Variants in ARL15 observed in about 807,000 individuals in gnomAD.
ARL15 encodes the protein ADP-ribosylation factor-like protein 15.
Under a neutral mutation model 25.2 loss-of-function variants are expected in ARL15, and 19 were observed. That is an observed-to-expected ratio of 0.75 (90% CI 0.53 to 1.10). ARL15 has a LOEUF of 1.10. Among genes scored for constraint, ARL15 ranks in the 50% least tolerant of loss-of-function variants. The pLI is 0.00. For synonymous variants in ARL15, 94 were observed against 86.8 expected, an observed-to-expected ratio of 1.08 and a Z score of -0.46; for missense variants, 220 against 246.0, an observed-to-expected ratio of 0.89 and a Z score of 0.71.
intron 1 of ARL15, among the ~76,000 whole-genome samples, chr5:54,271,585 G>A (rs1757784954): frequency 6.6e-6 from 1 of 152,116 alleles, no homozygotes; most frequent in Non-Finnish European, 1.5e-5. Flanking sequence ...TTGAATTCAT[G>A]GATATGGAAT....
intron 1 of ARL15, among the ~76,000 whole-genome samples, chr5:54,179,656 C>G (rs1754990282): frequency 6.6e-6 from 1 of 152,062 alleles, no homozygotes; most frequent in Admixed American, 6.5e-5. Context: ...GCTGGCTTCT[C>G]TCTTTCACAC....
intron 1 of ARL15, among the ~76,000 whole-genome samples, chr5:54,283,710 G>A (rs1025624671): frequency 2.6e-5 from 4 of 152,160 alleles, no homozygotes; most frequent in African/African-American, 9.7e-5. Flanking sequence ...GTGAATGACT[G>A]AACAACTCTC....
Position 53,947,167 on chromosome 5 carries a change from GGTGTGTGTGTGTGTGTGTGTGTGT to G in ARL15, c.463-60478_463-60455del, listed in dbSNP as rs3222349. On this transcript the variant is annotated intron_variant, in intron 4 of 4. Transcript: ENST00000504924. ...CTAGCCAAAGAGAAAAATAAATAAG[GGTGTGTGTGTGTGTGTGTGTGTGT>G]GTGTGTGTGTGTGTGTGTGTGTGTG... Among the ~76,000 whole-genome samples, 20 of 123,700 alleles carry G rather than the reference GGTGTGTGTGTGTGTGTGTGTGTGT, an allele frequency of 1.6e-4. No individual in the cohort carries two copies. In the East Asian group the frequency reaches 2.1e-3, roughly 13 times the overall value. 81.2% of individuals were successfully genotyped at this position (123,700 alleles called of 152,430 possible).
intron 4 of ARL15, among the ~76,000 whole-genome samples, chr5:54,041,133 A>G (rs1658700038): frequency 6.6e-6 from 1 of 152,230 alleles, no homozygotes; most frequent in Non-Finnish European, 1.5e-5. Context: ...CAATTAACTT[A>G]GCCTCTCAGG....
chr5:54,257,448 T>C (rs1361329281), intron 1 of ARL15, among the ~76,000 whole-genome samples: 1 of 152,188 alleles, frequency 6.6e-6, no homozygotes, highest in Non-Finnish European at 1.5e-5. Flanking sequence ...CATTTGACTT[T>C]TGACCTGAGC....
At chr5:54,020,193 C>T (rs528704722) in intron 4 of ARL15, among the ~76,000 whole-genome samples, 10 of 152,294 alleles carry the variant, frequency 6.6e-5, no homozygotes, top group African/African-American at 9.6e-5. Flanking sequence ...AGACTGTGTA[C>T]GTTCCAGGAA....
chr5:54,148,009 C>T (rs1468166413), intron 3 of ARL15, among the ~76,000 whole-genome samples: 1 of 152,060 alleles, frequency 6.6e-6, no homozygotes, highest in African/African-American at 2.4e-5. Context: ...GCATAATATA[C>T]ATGGAACTGT....
chr5:54,060,517 C>T (rs1266997472), intron 4 of ARL15, among the ~76,000 whole-genome samples: 1 of 152,208 alleles, frequency 6.6e-6, no homozygotes, highest in East Asian at 1.9e-4. Flanking sequence ...TTGCCTGCTG[C>T]CATCCACGTA....
chr5:54,151,328 TG>T (rs1362041512), intron 3 of ARL15, among the ~76,000 whole-genome samples: 1 of 152,202 alleles, frequency 6.6e-6, no homozygotes, highest in East Asian at 1.9e-4. Flanking sequence ...TAATTTACCT[TG>T]TACTTCTGCA....
intron 3 of ARL15, among the ~76,000 whole-genome samples, chr5:54,145,348 C>T (rs931394046): frequency 2.0e-4 from 31 of 152,048 alleles, no homozygotes; most frequent in Non-Finnish European, 3.8e-4. Flanking sequence ...TACTTTGGAC[C>T]GCAAGAAATT....
intron 3 of ARL15, among the ~76,000 whole-genome samples, chr5:54,150,632 T>C (rs1754037462): frequency 6.6e-6 from 1 of 152,000 alleles, no homozygotes; most frequent in South Asian, 2.1e-4. Context: ...ACCTTGTCTC[T>C]ACTAAACATA....
At chr5:54,182,558 A>G (rs1203143862) in intron 1 of ARL15, among the ~76,000 whole-genome samples, 2 of 148,042 alleles carry the variant, frequency 1.4e-5, no homozygotes, top group Non-Finnish European at 3.0e-5. Context: ...GTAGCCTTGT[A>G]GTATAGTTTG....
intron 4 of ARL15, among the ~76,000 whole-genome samples, chr5:53,973,995 CAA>C (rs1747844166): frequency 6.6e-6 from 1 of 151,824 alleles, no homozygotes; most frequent in South Asian, 2.1e-4. Flanking sequence ...AAAAAGAAGA[CAA>C]GAGACTAATA....
At chr5:54,000,808 C>A (rs1259336083) in intron 4 of ARL15, among the ~76,000 whole-genome samples, 1 of 152,054 alleles carries the variant, frequency 6.6e-6, no homozygotes, top group Non-Finnish European at 1.5e-5. Flanking sequence ...CTATATAAAC[C>A]CTTCCTTGAA....
chr5:54,088,874 C>G (rs1752053919), intron 4 of ARL15, among the ~76,000 whole-genome samples: 1 of 152,138 alleles, frequency 6.6e-6, no homozygotes, highest in Non-Finnish European at 1.5e-5. Flanking sequence ...GCAGCAAATT[C>G]AGGATGGGAC....
intron 4 of ARL15, among the ~76,000 whole-genome samples, chr5:54,041,907 A>G (rs1014519663): frequency 6.6e-6 from 1 of 152,100 alleles, no homozygotes; most frequent in African/African-American, 2.4e-5. Context: ...AAAATCCTCC[A>G]ATAGATCATT....
At chr5:53,938,457 AC>A (rs1209325698) in intron 4 of ARL15, among the ~76,000 whole-genome samples, 1 of 152,238 alleles carries the variant, frequency 6.6e-6, no homozygotes, top group East Asian at 1.9e-4. Flanking sequence ...CTTACCAATA[AC>A]CTTTTCAGTA....
At chr5:53,983,107 A>T (rs776257843) in intron 4 of ARL15, among the ~76,000 whole-genome samples, 1 of 152,124 alleles carries the variant, frequency 6.6e-6, no homozygotes, top group Non-Finnish European at 1.5e-5. Flanking sequence ...GTTGATTCCT[A>T]GTCTTTTTTA....
chr5:54,295,687 T>C (rs1758447809), intron 1 of ARL15, among the ~76,000 whole-genome samples: 2 of 152,140 alleles, frequency 1.3e-5, no homozygotes, highest in South Asian at 4.1e-4. Context: ...AATCCAATAA[T>C]CCAAAGAGGT....
Sources: gnomAD v4.1 joint callset for allele counts (sites outside exome capture counted in the v4.1 genomes callset) on GRCh38, gnomAD v4.1.1 for gene constraint, MANE v1.5 for transcripts, NCBI Gene and HGNC (gene_info 2026-07-23, HGNC 2026-07-21) for gene names.